TRAPPC3L: variants seen among roughly 807,000 people sequenced by gnomAD.
TRAPPC3L encodes the protein trafficking protein particle complex subunit 3-like protein.
In TRAPPC3L, 23 loss-of-function variants were observed where a neutral mutation model predicts 23.7. That is an observed-to-expected ratio of 0.97 (90% CI 0.70 to 1.37). The LOEUF is 1.37. Among genes scored for constraint, TRAPPC3L ranks in the 40% most tolerant of loss-of-function variants. The pLI is 0.00. For missense variants in TRAPPC3L, 212 were observed against 216.8 expected (o/e 0.98, Z 0.14); for synonymous variants, 81 against 77.9 (o/e 1.04, Z -0.21).
Position 116,495,081 on chromosome 6 carries a change from G to T in TRAPPC3L, c.*1873C>A, listed in dbSNP as rs986736955. On this transcript the variant is annotated 3_prime_UTR_variant, in exon 5 of 5. Transcript: ENST00000368602. ...GCATCCCAAAGTGCAGAGATTACAG[G>T]CTTGTGCCACCATGCCCGACCCAGA... The T allele has an allele frequency of 5.6e-5, 8 of 143,448 alleles. No homozygotes were observed. The highest frequency in any genetic ancestry group is 4.3e-4 in the Admixed American group (6 of 13,946). The allele number at this position is 143,448 out of a possible 1,614,324, so 8.9% of individuals were successfully genotyped here. A position where few individuals can be genotyped will look rare whatever the true frequency, so the allele number is the denominator to read the frequency against.
At chr6:116,514,705 C>G (rs1772188254) in intron 3 of TRAPPC3L, among the ~76,000 whole-genome samples, 1 of 152,142 alleles carries the variant, frequency 6.6e-6, no homozygotes, top group Non-Finnish European at 1.5e-5. Flanking sequence ...ATATCTGAGT[C>G]AAAGGTTGGG....
At chr6:116,528,221 C>T (rs1772506802) in intron 3 of TRAPPC3L, among the ~76,000 whole-genome samples, 1 of 152,220 alleles carries the variant, frequency 6.6e-6, no homozygotes. Context: ...GGTAATTCCT[C>T]TGCAGGTGCT....
chr6:116,503,840 A>G (rs993837841), intron 3 of TRAPPC3L, among the ~76,000 whole-genome samples: 4 of 152,336 alleles, frequency 2.6e-5, no homozygotes, highest in African/African-American at 9.6e-5. Context: ...AAAAGGCACA[A>G]TGTACGAGAA....
chr6:116,533,990 T>C (rs1184060147), intron 3 of TRAPPC3L, among the ~76,000 whole-genome samples: 1 of 152,156 alleles, frequency 6.6e-6, no homozygotes, highest in African/African-American at 2.4e-5. Context: ...CCACTATCCA[T>C]AGTCTGTAAT....
At position 116,500,540 on chromosome 6, in the gene TRAPPC3L, G is replaced by T; in HGVS notation, c.367C>A (p.Arg123=). 6.4e-7 allele frequency: 1 copy of T among 1,551,612 alleles called. No homozygotes were observed. Among genetic ancestry groups the T allele is most frequent in the Non-Finnish European group, 8.7e-7 (1 of 1,146,952 alleles). ...VEFVEELPAG[R]SSLCYCNLLC... ...AAGTTGCAGTAGCACAGAGAAGATC[G>T]CCCAGCAGGGAGCTCTTCCACAAAC... The change falls in exon 4 of 5, where the codon CGA becomes AGA. Residue 123 remains arginine (R), a synonymous_variant. Transcript: ENST00000368602.
At chr6:116,501,036 ATC>A (rs1771903020) in intron 3 of TRAPPC3L, among the ~76,000 whole-genome samples, 1 of 152,228 alleles carries the variant, frequency 6.6e-6, no homozygotes, top group Non-Finnish European at 1.5e-5. Flanking sequence ...AGGGCAGGGC[ATC>A]GCCTCATGTG....
chr6:116,526,119 A>G (rs1772435413), intron 3 of TRAPPC3L, among the ~76,000 whole-genome samples: 1 of 152,162 alleles, frequency 6.6e-6, no homozygotes, highest in Admixed American at 6.5e-5. Flanking sequence ...ATTTTGAGAA[A>G]TGTCCTCAAA....
chr6:116,523,343 A>G (rs184496463), intron 3 of TRAPPC3L: 1 of 152,236 alleles, frequency 6.6e-6, no homozygotes, highest in African/African-American at 2.4e-5. Context: ...TGTAAACTCT[A>G]TTTGTAGGTG....
intron 3 of TRAPPC3L, among the ~76,000 whole-genome samples, chr6:116,539,448 GAATTTT>G (rs1373291578): frequency 6.6e-6 from 1 of 152,084 alleles, no homozygotes; most frequent in Non-Finnish European, 1.5e-5. Flanking sequence ...TTTTAATGTA[GAATTTT>G]TCCCCACATA....
At chr6:116,511,116 A>G (rs909579802) in intron 3 of TRAPPC3L, among the ~76,000 whole-genome samples, 11 of 147,496 alleles carry the variant, frequency 7.5e-5, no homozygotes, top group East Asian at 2.0e-4. Context: ...GTATATATAT[A>G]TATATGTATA....
At chr6:116,516,071 G>A (rs2115168883) in intron 3 of TRAPPC3L, 3 of 1,468,132 alleles carry the variant, frequency 2.0e-6, no homozygotes, top group Admixed American at 2.3e-5. Flanking sequence ...CAACCTGTGT[G>A]TCTCTGTATT....
intron 3 of TRAPPC3L, among the ~76,000 whole-genome samples, chr6:116,509,104 A>C (rs902214707): frequency 1.3e-5 from 2 of 151,620 alleles, no homozygotes; most frequent in Non-Finnish European, 2.9e-5. Context: ...AAAAAAAAAA[A>C]AAAAAAAACC....
At chr6:116,502,828 G>A (rs1771939974) in intron 3 of TRAPPC3L, among the ~76,000 whole-genome samples, 1 of 152,180 alleles carries the variant, frequency 6.6e-6, no homozygotes, top group Non-Finnish European at 1.5e-5. Flanking sequence ...CAAATGCTGA[G>A]AGATTTTGTT....
intron 3 of TRAPPC3L, chr6:116,522,389 C>CT (rs1231816033): frequency 6.6e-6 from 1 of 152,190 alleles, no homozygotes; most frequent in East Asian, 1.9e-4. Flanking sequence ...AACCTGAACA[C>CT]TAACATGAAA....
chr6:116,500,393 C>A lies in TRAPPC3L; in HGVS notation c.426+88G>T, dbSNP rs114008157. The A allele has an allele frequency of 8.6e-4, 1,056 of 1,227,584 alleles. 7 individuals are homozygous for A. In the African/African-American group the frequency reaches 0.014, roughly 16 times the overall value. 76.0% of individuals were successfully genotyped at this position (1,227,584 alleles called of 1,614,324 possible). On this transcript the variant is annotated intron_variant, in intron 4 of 4. Transcript: ENST00000368602. ...ACCATTAGATAACCAATATACCCAGCAAAATGAATTATGTATATTGGTTAT... is the reference window on the plus strand; with the variant it reads ...ACCATTAGATAACCAATATACCCAGAAAAATGAATTATGTATATTGGTTAT...
rs1772135464 is a variant in TRAPPC3L, at chr6:116,512,165, T to C, written c.241-11499A>G. 4 of 1,612,592 alleles carry C rather than the reference T, an allele frequency of 2.5e-6. No homozygotes were observed. The highest frequency in any genetic ancestry group is 1.3e-5 in the African/African-American group (1 of 74,892). ...GTGCTGGGAAGAACTTCACAAAGTATCTTGTGGCAAAACTAGCATGCTACC... is the reference window on the plus strand; with the variant it reads ...GTGCTGGGAAGAACTTCACAAAGTACCTTGTGGCAAAACTAGCATGCTACC... On this transcript the variant is annotated intron_variant, in intron 3 of 4. Transcript: ENST00000368602.
Position 116,495,596 on chromosome 6 carries a change from T to C in TRAPPC3L, c.*1358A>G, listed in dbSNP as rs565518500. 1 of 152,280 alleles carries C rather than the reference T, an allele frequency of 6.6e-6. No homozygotes were observed. The highest frequency in any genetic ancestry group is 6.5e-5 in the Admixed American group (1 of 15,298). The allele number at this position is 152,280 out of a possible 1,614,324, so 9.4% of individuals were successfully genotyped here. A position where few individuals can be genotyped will look rare whatever the true frequency, so the allele number is the denominator to read the frequency against. On this transcript the variant is annotated 3_prime_UTR_variant, in exon 5 of 5. Transcript: ENST00000368602. ...TGTTTTTTGAGGAACCTCCAAACCG[T>C]TCTCCATAGTGGTTATACTAATTTA...
intron 3 of TRAPPC3L, among the ~76,000 whole-genome samples, chr6:116,505,694 G>C (rs1259501772): frequency 6.6e-6 from 1 of 152,116 alleles, no homozygotes; most frequent in Non-Finnish European, 1.5e-5. Context: ...GAACAGAACA[G>C]AGGCCTCAGA....
At chr6:116,528,218 C>T (rs1250998726) in intron 3 of TRAPPC3L, among the ~76,000 whole-genome samples, 1 of 152,154 alleles carries the variant, frequency 6.6e-6, no homozygotes, top group African/African-American at 2.4e-5. Context: ...AAGGGTAATT[C>T]CTCTGCAGGT....
Sources: gnomAD v4.1 joint callset for allele counts (sites outside exome capture counted in the v4.1 genomes callset) on GRCh38, gnomAD v4.1.1 for gene constraint, MANE v1.5 for transcripts, NCBI Gene and HGNC (gene_info 2026-07-23, HGNC 2026-07-21) for gene names.